The following ARMC3 variants were observed in gnomAD, a reference collection of about 807,000 sequenced individuals.
ARMC3 encodes the protein armadillo repeat-containing protein 3.
A neutral mutation model predicts 90.3 loss-of-function variants in ARMC3; 74 were observed. That is an observed-to-expected ratio of 0.82 (90% confidence interval 0.68 to 0.99). The LOEUF (loss-of-function observed/expected upper bound fraction) is 0.99. Among genes scored for constraint, ARMC3 ranks in the 50% least tolerant of loss-of-function variants. The pLI is 0.00. For synonymous variants in ARMC3, 334 were observed against 361.8 expected, an observed-to-expected ratio of 0.92 and a Z score of 0.87; for missense variants, 958 against 1,042.8, an observed-to-expected ratio of 0.92 and a Z score of 1.12.
At chr10:23,015,109 G>C (rs1237661724) in intron 16 of ARMC3, among the ~76,000 whole-genome samples, 1 of 152,126 alleles carries the variant, frequency 6.6e-6, no homozygotes, top group African/African-American at 2.4e-5. Flanking sequence ...AGATGGGAAA[G>C]AAGTAAGATC....
rs1564390760 is a variant in ARMC3 at position 23,007,717 on chromosome 10, AG to A, written c.1830-558del. ...CCGTCTCAAAAAAAAAAAAAAAAAA[AG>A]AGAGAGAGCGAGAGATCGTGTATAT... On this transcript the variant is annotated intron_variant, in intron 14 of 18. Coordinates refer to ENST00000298032, the MANE Select transcript of ARMC3 (RefSeq NM_173081.5). 9.6e-3 allele frequency among the ~76,000 whole-genome samples: 156 copies of A among 16,300 alleles called. 9 individuals carry two copies. Among genetic ancestry groups the A allele is most frequent in the Middle Eastern group, 0.071 (1 of 14 alleles). 10.7% of individuals were successfully genotyped at this position (16,300 alleles called of 152,430 possible).
intron 10 of ARMC3, among the ~76,000 whole-genome samples, chr10:22,983,622 T>C (rs10508657): frequency 0.056 from 8,549 of 152,232 alleles, 463 homozygotes; most frequent in African/African-American, 0.15. Context: ...GAGGTCTATA[T>C]AATTTTTACT....
chr10:22,987,588 AACT>A (rs1453177644), intron 10 of ARMC3, among the ~76,000 whole-genome samples: 17 of 152,354 alleles, frequency 1.1e-4, no homozygotes, highest in African/African-American at 3.4e-4. Flanking sequence ...ACACAGTAAT[AACT>A]ACAATTATTT....
chr10:22,934,229 A>G (rs1308919760), intron 2 of ARMC3, among the ~76,000 whole-genome samples: 2 of 152,240 alleles, frequency 1.3e-5, no homozygotes, highest in Non-Finnish European at 2.9e-5. Flanking sequence ...TAAAATGAGT[A>G]ATAAAGACAG....
chr10:23,006,228 G>A (rs1837606761), intron 13 of ARMC3, among the ~76,000 whole-genome samples: 1 of 152,306 alleles, frequency 6.6e-6, no homozygotes, highest in African/African-American at 2.4e-5. Flanking sequence ...TGCGAGGAGA[G>A]CAGACCCTAG....
At chr10:23,004,286 T>C (rs1298589470) in intron 13 of ARMC3, among the ~76,000 whole-genome samples, 3 of 152,002 alleles carry the variant, frequency 2.0e-5, no homozygotes, top group Non-Finnish European at 4.4e-5. Context: ...CCAAAAGCAA[T>C]GAGGAGAATG....
At chr10:22,939,704 C>G (rs1011680748) in intron 2 of ARMC3, among the ~76,000 whole-genome samples, 5 of 152,142 alleles carry the variant, frequency 3.3e-5, no homozygotes, top group Admixed American at 1.3e-4. Flanking sequence ...TCTAGATGCT[C>G]AGCTACATAA....
rs111970965 is a variant in ARMC3 at position 22,946,422 on chromosome 10, C to T, written c.166+161C>T. The stretch of plus-strand genomic sequence containing the variant: ...AATGCATTACCTAAGAGCAATCTCT[C>T]TTCCTGAGTTCCTAGCTTAATCTTA... On this transcript the variant is annotated intron_variant, in intron 3 of 18. Coordinates refer to ENST00000298032, the MANE Select transcript of ARMC3 (RefSeq NM_173081.5). 2.2e-3 allele frequency: 1,072 copies of T among 484,780 alleles called. 12 individuals are homozygous for T. Among genetic ancestry groups the T allele is most frequent in the African/African-American group, 0.018 (933 of 50,704 alleles). 30.0% of individuals were successfully genotyped at this position (484,780 alleles called of 1,614,324 possible). A position where few individuals can be genotyped will look rare whatever the true frequency, so the allele number is the denominator to read the frequency against.
At chr10:23,016,568 G>A (rs7075999) in intron 16 of ARMC3, among the ~76,000 whole-genome samples, 118,367 of 152,072 alleles carry the variant, frequency 0.78, 46,437 homozygotes, top group Non-Finnish European at 0.82. Flanking sequence ...TAATTTTACC[G>A]GAGTTAATTT....
At chr10:23,018,514 A>ATTTTTTTTTTTTTTTTTTTTTTTTTTTT in intron 16 of ARMC3, among the ~76,000 whole-genome samples, 1 of 115,484 alleles carries the variant, frequency 8.7e-6, no homozygotes, top group Non-Finnish European at 1.7e-5. Flanking sequence ...CACCTTAGTA[A>ATTTTTTTTTTTTTTTTTTTTTTTTTTTT]TTTTTTTTTT....
rs1375461679 is a variant in ARMC3 at position 22,964,685 on chromosome 10, C to T, written c.732+2607C>T. Among the ~76,000 whole-genome samples, 16 of 151,788 alleles carry T rather than the reference C, an allele frequency of 1.1e-4. 1 individual carries two copies. Among genetic ancestry groups the T allele is most frequent in the African/African-American group, 3.9e-4 (16 of 41,354 alleles). On this transcript the variant is annotated intron_variant, in intron 7 of 18. Coordinates refer to ENST00000298032, the MANE Select transcript of ARMC3 (RefSeq NM_173081.5). ...CGAACTCCTGACCTCAGGTGATCCTCCTGCCTTGGCTTCCCAAAGTGCTGG... is the reference window on the plus strand; with the variant it reads ...CGAACTCCTGACCTCAGGTGATCCTTCTGCCTTGGCTTCCCAAAGTGCTGG...
At chr10:23,008,511 C>G (rs1837746712) in intron 15 of ARMC3, 137 bp downstream of exon 15, 3 of 644,246 alleles carry the variant, frequency 4.7e-6, no homozygotes, top group Non-Finnish European at 8.1e-6. Context: ...TTGCCTTTTA[C>G]ATTGCTATGG....
At chr10:22,951,236 C>T (rs1419953403) in intron 3 of ARMC3, among the ~76,000 whole-genome samples, 1 of 151,826 alleles carries the variant, frequency 6.6e-6, no homozygotes, top group Admixed American at 6.6e-5. Flanking sequence ...TGCGCCTGGC[C>T]GAAAAATCTT....
At position 23,037,432 on chromosome 10, in the gene ARMC3, C is replaced by T. The variant is rs1271227334; in HGVS notation, c.2572C>T (p.Leu858=). 5.0e-6 allele frequency: 8 copies of T among 1,614,066 alleles called. No homozygotes were observed. The highest frequency in any genetic ancestry group is 6.8e-6 in the Non-Finnish European group (8 of 1,179,934). The change falls in exon 19 of 19, where the codon CTG becomes TTG. Residue 858 remains leucine (L), a synonymous_variant. Coordinates refer to ENST00000298032, the MANE Select transcript of ARMC3 (RefSeq NM_173081.5). ...VIDLMFHPGG[L]MKLRSREADL... ...TGACCTCATGTTCCATCCAGGTGGA[C>T]TGATGAAGTTGAGAAGTCGAGAGGC...
At chr10:23,005,863 C>CA (rs1307505373) in intron 13 of ARMC3, among the ~76,000 whole-genome samples, 1 of 149,506 alleles carries the variant, frequency 6.7e-6, no homozygotes, top group African/African-American at 2.5e-5. Context: ...GACTCCATCT[C>CA]AAAAAAGGGG....
At chr10:22,973,452 A>C (rs1343804866) in intron 8 of ARMC3, among the ~76,000 whole-genome samples, 1 of 151,134 alleles carries the variant, frequency 6.6e-6, no homozygotes, top group Admixed American at 6.6e-5. Context: ...AAATCTTGGA[A>C]AGGCATACTC....
At position 22,941,136 on chromosome 10, in the gene ARMC3, A is replaced by T. The variant is rs141243646; in HGVS notation, c.49-5008A>T. Reference sequence around the variant, plus strand: ...TTTCATTACTACTAAATTATAGGACAGGCGAAACTGATCTGCAGTGGAAGA... The same window carrying T: ...TTTCATTACTACTAAATTATAGGACTGGCGAAACTGATCTGCAGTGGAAGA... On this transcript the variant is annotated intron_variant, in intron 2 of 18. Transcript: ENST00000298032. 5.4e-3 allele frequency among the ~76,000 whole-genome samples: 828 copies of T among 152,328 alleles called. 8 individuals are homozygous for T. Among genetic ancestry groups the T allele is most frequent in the African/African-American group, 0.019 (770 of 41,574 alleles).
intron 11 of ARMC3, among the ~76,000 whole-genome samples, chr10:22,999,695 C>T (rs192738042): frequency 1.3e-5 from 2 of 152,166 alleles, no homozygotes; most frequent in African/African-American, 2.4e-5. Flanking sequence ...TGGTAAGTGG[C>T]GAGTCAGGGA....
intron 7 of ARMC3, among the ~76,000 whole-genome samples, chr10:22,962,961 C>T (rs950733281): frequency 6.6e-6 from 1 of 152,124 alleles, no homozygotes; most frequent in Non-Finnish European, 1.5e-5. Context: ...ATGCAAAATC[C>T]TAGTAACACT....
Sources: allele counts gnomAD v4.1 joint callset (sites outside exome capture counted in the v4.1 genomes callset), GRCh38; gene constraint gnomAD v4.1.1; transcripts MANE v1.5; gene names NCBI Gene and HGNC (gene_info 2026-07-23, HGNC 2026-07-21).